HACE1: variants seen among roughly 807,000 people sequenced by gnomAD.
HACE1 encodes the protein HECT domain and ankyrin repeat containing E3 ubiquitin protein ligase 1, also known as E3 ubiquitin-protein ligase HACE1.
Under a neutral mutation model 118.4 loss-of-function variants are expected in HACE1, and 73 were observed. The ratio of observed to expected loss-of-function variants is 0.62; its 90% confidence interval spans 0.51 to 0.75. The LOEUF (loss-of-function observed/expected upper bound fraction) is 0.75. Ranked by LOEUF, HACE1 falls within the 30% of genes least tolerant of loss-of-function variation. The pLI is 0.00. For missense variants in HACE1, 749 were observed against 1,102.2 expected (o/e 0.68, Z 4.54); for synonymous variants, 368 against 374.8 (o/e 0.98, Z 0.21).
intron 6 of HACE1, among the ~76,000 whole-genome samples, chr6:104,826,661 C>T (rs941900339): frequency 2.0e-5 from 3 of 152,112 alleles, no homozygotes; most frequent in Admixed American, 2.0e-4. Context: ...TAAAAGCATG[C>T]CAACATAAAT....
chr6:104,742,130 C>G lies in HACE1; in HGVS notation c.2513+2030G>C, dbSNP rs1367730620. On this transcript the variant is annotated intron_variant, in intron 22 of 23. Transcript: ENST00000262903. Reference sequence around the variant, plus strand: ...CATATGTAGAAAGCTGAAACTGGATCTCTTCCTTACACCTTATACAAAAAT... The same window carrying G: ...CATATGTAGAAAGCTGAAACTGGATGTCTTCCTTACACCTTATACAAAAAT... Among the ~76,000 whole-genome samples, 16 of 133,304 alleles carry G rather than the reference C, an allele frequency of 1.2e-4. 2 individuals are homozygous for G. The East Asian group carries it at 3.3e-3, about 27-fold the overall frequency. The allele number at this position is 133,304 out of a possible 152,430, so 87.5% of individuals were successfully genotyped here.
chr6:104,791,877 A>G (rs1783064477), intron 10 of HACE1, among the ~76,000 whole-genome samples: 1 of 152,200 alleles, frequency 6.6e-6, no homozygotes, highest in South Asian at 2.1e-4. Flanking sequence ...CCAGAATATA[A>G]CCAATGATCA....
intron 6 of HACE1, among the ~76,000 whole-genome samples, chr6:104,821,343 T>TA (rs983143366): frequency 3.3e-5 from 5 of 150,348 alleles, no homozygotes; most frequent in Admixed American, 6.6e-5. Context: ...AAATAAAAGT[T>TA]AAAAAAAAAG....
intron 18 of HACE1, among the ~76,000 whole-genome samples, chr6:104,771,638 T>G (rs1458587424): frequency 2.7e-5 from 4 of 147,536 alleles, no homozygotes; most frequent in African/African-American, 1.0e-4. Context: ...ACTTCAAAAA[T>G]GCCAATTATC....
At chr6:104,772,565 G>A (rs1482327414) in intron 17 of HACE1, among the ~76,000 whole-genome samples, 3 of 152,196 alleles carry the variant, frequency 2.0e-5, no homozygotes, top group Non-Finnish European at 2.9e-5. Context: ...ACTAAAAACT[G>A]TAAATGTACA....
intron 19 of HACE1, among the ~76,000 whole-genome samples, chr6:104,761,037 G>A (rs989333454): frequency 6.6e-6 from 1 of 152,110 alleles, no homozygotes; most frequent in African/African-American, 2.4e-5. Context: ...GCTGCTTTAA[G>A]GAAATAAGAC....
intron 19 of HACE1, among the ~76,000 whole-genome samples, chr6:104,763,302 A>T (rs947417381): frequency 1.3e-5 from 2 of 152,192 alleles, no homozygotes. Context: ...ATCTCATAGT[A>T]CAGATTGAGT....
At chr6:104,782,679 C>T (rs1781866654) in intron 14 of HACE1, among the ~76,000 whole-genome samples, 1 of 152,068 alleles carries the variant, frequency 6.6e-6, no homozygotes, top group Non-Finnish European at 1.5e-5. Flanking sequence ...TACATAGTAC[C>T]TGACCTAAAA....
At chr6:104,813,507 T>C (rs1771837990) in intron 6 of HACE1, among the ~76,000 whole-genome samples, 1 of 138,446 alleles carries the variant, frequency 7.2e-6, no homozygotes, top group Non-Finnish European at 1.6e-5. Context: ...GAGGCAACTT[T>C]TTTATTTTCA....
intron 19 of HACE1, among the ~76,000 whole-genome samples, chr6:104,760,074 A>C (rs6900606): frequency 6.6e-6 from 1 of 151,982 alleles, no homozygotes; most frequent in Non-Finnish European, 1.5e-5. Flanking sequence ...ACCAACTAAA[A>C]AAAGTCCAGG....
chr6:104,779,366 TATTA>T (rs1781513679), intron 14 of HACE1, among the ~76,000 whole-genome samples: 1 of 152,246 alleles, frequency 6.6e-6, no homozygotes, highest in African/African-American at 2.4e-5. Flanking sequence ...TATCACTTGT[TATTA>T]ATTCTTAATA....
intron 19 of HACE1, among the ~76,000 whole-genome samples, chr6:104,752,216 G>C (rs928196060): frequency 6.6e-6 from 1 of 152,014 alleles, no homozygotes; most frequent in Non-Finnish European, 1.5e-5. Context: ...TACTATATAG[G>C]AATTAATCAG....
Position 104,729,509 on chromosome 6 carries a change from A to G in HACE1, c.*153T>C. 1 of 655,696 alleles carries G rather than the reference A, an allele frequency of 1.5e-6. No individual in the cohort carries two copies. Among genetic ancestry groups the G allele is most frequent in the South Asian group, 1.7e-5 (1 of 58,734 alleles). 40.6% of individuals were successfully genotyped at this position (655,696 alleles called of 1,614,324 possible). A position where few individuals can be genotyped will look rare whatever the true frequency, so the allele number is the denominator to read the frequency against. ...ACAGAGAAAACATAAAAGGGAAAAG[A>G]GAGAAACAGAAAACCTGATGATCCT... is the stretch of plus-strand genomic sequence containing the variant. On this transcript the variant is annotated 3_prime_UTR_variant, in exon 24 of 24. Coordinates refer to ENST00000262903, the MANE Select transcript of HACE1 (RefSeq NM_020771.4).
chr6:104,811,466 C>A lies in HACE1; in HGVS notation c.535-73G>T, dbSNP rs1045262739. 21 of 750,674 alleles carry A rather than the reference C, an allele frequency of 2.8e-5. No individual in the cohort carries two copies. The Admixed American group carries it at 3.2e-4, about 11-fold the overall frequency. 46.5% of individuals were successfully genotyped at this position (750,674 alleles called of 1,614,324 possible). A position where few individuals can be genotyped will look rare whatever the true frequency, so the allele number is the denominator to read the frequency against. On this transcript the variant is annotated intron_variant, in intron 6 of 23. Transcript: ENST00000262903. ...AAGATACAATTACCACAATTTTAAT[C>A]CATATAAGGGAAGTTCTTCCCACAA...
At chr6:104,809,176 G>A (rs1343038857) in intron 7 of HACE1, among the ~76,000 whole-genome samples, 1 of 152,056 alleles carries the variant, frequency 6.6e-6, no homozygotes, top group Non-Finnish European at 1.5e-5. Context: ...ACTACACTTT[G>A]GACATAAAGT....
At chr6:104,807,977 G>A (rs7769732) in intron 7 of HACE1, among the ~76,000 whole-genome samples, 26,396 of 151,960 alleles carry the variant, frequency 0.17, 2,469 homozygotes, top group African/African-American at 0.25. Context: ...ACCTGAGGTC[G>A]GGAGTTCGAG....
intron 14 of HACE1, among the ~76,000 whole-genome samples, chr6:104,778,000 C>G (rs996686531): frequency 3.3e-5 from 5 of 152,144 alleles, no homozygotes; most frequent in African/African-American, 1.2e-4. Context: ...CTCAGGTGAT[C>G]CACCCATCTC....
rs1177237415 is a variant in HACE1 at position 104,771,962 on chromosome 6, A to G, written c.1977T>C (p.Asn659=). Residue 659 remains asparagine, a synonymous_variant, in exon 18 of 24, where the codon AAT becomes AAC. Transcript: ENST00000262903. ...GLALNHRQLV[N]IYFTRSFYKH... is the part of the protein sequence containing the mutation. Reference sequence around the variant, plus strand: ...TGTAGAAGGATCGTGTGAAGTAAATATTGACCAGCTGCCTGTGGTTCAACG... The same window carrying G: ...TGTAGAAGGATCGTGTGAAGTAAATGTTGACCAGCTGCCTGTGGTTCAACG... 1 of 1,608,730 alleles carries G rather than the reference A, an allele frequency of 6.2e-7. No homozygotes were observed. Among genetic ancestry groups the G allele is most frequent in the Non-Finnish European group, 8.5e-7 (1 of 1,175,208 alleles).
chr6:104,800,230 C>T (rs1162674226), intron 7 of HACE1, among the ~76,000 whole-genome samples: 3 of 152,118 alleles, frequency 2.0e-5, no homozygotes, highest in African/African-American at 7.2e-5. Flanking sequence ...CTAGGCGGAG[C>T]CCACTGCAGC....
Sources: allele counts gnomAD v4.1 joint callset (sites outside exome capture counted in the v4.1 genomes callset), GRCh38; gene constraint gnomAD v4.1.1; transcripts MANE v1.5; gene names NCBI Gene and HGNC (gene_info 2026-07-23, HGNC 2026-07-21).